The following BORCS5 variants were observed in gnomAD, a reference collection of about 807,000 sequenced individuals.
The protein encoded by BORCS5 is BLOC-1-related complex subunit 5.
In BORCS5, 17 loss-of-function variants were observed where a neutral mutation model predicts 22.1. The ratio of observed to expected loss-of-function variants is 0.77; its 90% confidence interval spans 0.53 to 1.15. BORCS5 has a LOEUF of 1.15. BORCS5 is among the 50% of genes most tolerant of loss of function. The pLI is 0.00. For synonymous variants in BORCS5, 117 were observed against 99.8 expected (o/e 1.17, Z -1.03); for missense variants, 247 against 253.2 (o/e 0.98, Z 0.17).
chr12:12,382,079 T>C (rs1259250233), intron 2 of BORCS5, among the ~76,000 whole-genome samples: 1 of 151,450 alleles, frequency 6.6e-6, no homozygotes. Flanking sequence ...AATAGAGCCA[T>C]TTGTGTTAGT....
chr12:12,401,048 A>G (rs1347726986), intron 2 of BORCS5, among the ~76,000 whole-genome samples: 1 of 152,112 alleles, frequency 6.6e-6, no homozygotes, highest in Non-Finnish European at 1.5e-5. Context: ...CAGTGTATCC[A>G]TTGACTTATT....
intron 2 of BORCS5, among the ~76,000 whole-genome samples, chr12:12,421,323 G>A (rs1246415195): frequency 6.6e-6 from 1 of 152,044 alleles, no homozygotes; most frequent in Non-Finnish European, 1.5e-5. Context: ...GTTTTTTGTG[G>A]TCGGTTCTGT....
chr12:12,357,718 G>T (rs139657228), intron 1 of BORCS5, among the ~76,000 whole-genome samples: 4 of 152,102 alleles, frequency 2.6e-5, no homozygotes, highest in Non-Finnish European at 5.9e-5. Context: ...CAGCGTGGGC[G>T]CCAGTGCCCT....
rs1280778413 is a variant in BORCS5 at position 12,357,525 on chromosome 12, T to C, written c.58+16T>C. On this transcript the variant is annotated intron_variant, in intron 1 of 3. Coordinates refer to ENST00000314565, the MANE Select transcript of BORCS5 (RefSeq NM_058169.6). ...AACTCCTCAGGTCGGTGTCCTAACC[T>C]CCCACCCTCCTCCAGCCCGCCCTGT... 6.3e-7 allele frequency: 1 copy of C among 1,598,056 alleles called. No individual in the cohort carries two copies. Among genetic ancestry groups the C allele is most frequent in the Non-Finnish European group, 8.6e-7 (1 of 1,168,142 alleles).
chr12:12,449,329 C>T (rs1200547682), intron 3 of BORCS5, among the ~76,000 whole-genome samples: 1 of 152,202 alleles, frequency 6.6e-6, no homozygotes, highest in Non-Finnish European at 1.5e-5. Context: ...CCGAGGAAAG[C>T]TCTCCCAAGG....
At chr12:12,361,067 C>G (rs1863273115) in intron 1 of BORCS5, 139 bp from the exon 2 acceptor site, 1 of 775,696 alleles carries the variant, frequency 1.3e-6, no homozygotes, top group Admixed American at 2.6e-5. Flanking sequence ...TTCTATAATT[C>G]ATCCCTGCCA....
At chr12:12,415,157 C>T in intron 2 of BORCS5, among the ~76,000 whole-genome samples, 1 of 151,762 alleles carries the variant, frequency 6.6e-6, no homozygotes, top group African/African-American at 2.4e-5. Flanking sequence ...GGCGGCTGGG[C>T]AGAGGCTGCA....
chr12:12,366,229 A>C (rs1186981468), intron 2 of BORCS5, among the ~76,000 whole-genome samples: 1 of 152,244 alleles, frequency 6.6e-6, no homozygotes, highest in Non-Finnish European at 1.5e-5. Flanking sequence ...TTATTCTTTC[A>C]AAACAATATA....
chr12:12,437,336 C>T (rs958247028), intron 3 of BORCS5, among the ~76,000 whole-genome samples: 4 of 152,298 alleles, frequency 2.6e-5, no homozygotes, highest in Middle Eastern at 3.4e-3. Context: ...TGTGATGCCT[C>T]CCCAGCCATG....
Position 12,380,051 on chromosome 12 carries a change from C to T in BORCS5, c.202+18702C>T, listed in dbSNP as rs374709521. On this transcript the variant is annotated intron_variant, in intron 2 of 3. Coordinates refer to ENST00000314565, the MANE Select transcript of BORCS5 (RefSeq NM_058169.6). ...GTAGGTCCAAGGAGAGGGTGATAGC[C>T]GGGGGAATGATTGGTCCGTGAAGCA... Among the ~76,000 whole-genome samples the T allele has an allele frequency of 4.0e-5, 6 of 151,084 alleles. No homozygotes were observed. The East Asian group carries it at 7.7e-4, about 20-fold the overall frequency.
chr12:12,376,487 C>A (rs1565841991), intron 2 of BORCS5, among the ~76,000 whole-genome samples: 1 of 152,184 alleles, frequency 6.6e-6, no homozygotes, highest in Non-Finnish European at 1.5e-5. Flanking sequence ...CCTGCCTCGG[C>A]CTCCCAAAGT....
chr12:12,465,475 G>A (rs1257883823), intron 3 of BORCS5, 71 bp from the exon 4 acceptor site: 4 of 1,356,600 alleles, frequency 2.9e-6, no homozygotes, highest in African/African-American at 1.4e-5. Flanking sequence ...TCCCTCACAG[G>A]CTGGACACCC....
At chr12:12,408,583 C>G (rs992285642) in intron 2 of BORCS5, among the ~76,000 whole-genome samples, 2 of 152,174 alleles carry the variant, frequency 1.3e-5, no homozygotes, top group African/African-American at 4.8e-5. Flanking sequence ...GCCCTGGTAA[C>G]CACTGTTCTA....
chr12:12,433,063 G>A (rs1942466809), intron 2 of BORCS5, among the ~76,000 whole-genome samples: 2 of 152,088 alleles, frequency 1.3e-5, no homozygotes, highest in African/African-American at 4.8e-5. Flanking sequence ...GCTGGGCACA[G>A]TGGCTCATGC....
chr12:12,420,703 T>C (rs1468287025), intron 2 of BORCS5, among the ~76,000 whole-genome samples: 1 of 152,226 alleles, frequency 6.6e-6, no homozygotes, highest in African/African-American at 2.4e-5. Context: ...CATTTGTTTG[T>C]GTCCTCTTTT....
In BORCS5 at chr12:12,406,816, A is replaced by G. The variant is rs1941607215; in HGVS notation, c.203-28812A>G. Among the ~76,000 whole-genome samples, 3 of 152,254 alleles carry G rather than the reference A, an allele frequency of 2.0e-5. No homozygotes were observed. The South Asian group carries it at 6.2e-4, about 32-fold the overall frequency. On this transcript the variant is annotated intron_variant, in intron 2 of 3. Coordinates refer to ENST00000314565, the MANE Select transcript of BORCS5 (RefSeq NM_058169.6). The stretch of plus-strand genomic sequence containing the variant: ...AACACCTTTTTTTTTTTAAATAAAA[A>G]GAACACTTTCAGCTCCTTAAAGCAA...
intron 2 of BORCS5, among the ~76,000 whole-genome samples, chr12:12,412,654 T>C (rs1428480688): frequency 6.6e-6 from 1 of 152,170 alleles, no homozygotes. Context: ...TCCATTATTA[T>C]GTTGAATAGA....
intron 2 of BORCS5, among the ~76,000 whole-genome samples, chr12:12,362,191 G>A (rs1863301296): frequency 6.6e-6 from 1 of 152,136 alleles, no homozygotes; most frequent in African/African-American, 2.4e-5. Context: ...CATTAAATGT[G>A]TTTCAATGAT....
chr12:12,407,678 A>G (rs995714610), intron 2 of BORCS5, among the ~76,000 whole-genome samples: 4 of 136,800 alleles, frequency 2.9e-5, no homozygotes, highest in African/African-American at 1.1e-4. Context: ...TATTCTACTT[A>G]TTTTCGCCAT....
Sources: allele counts gnomAD v4.1 joint callset (sites outside exome capture counted in the v4.1 genomes callset), GRCh38; gene constraint gnomAD v4.1.1; transcripts MANE v1.5; gene names NCBI Gene and HGNC (gene_info 2026-07-23, HGNC 2026-07-21).